Variants in GALNT13 observed in about 807,000 individuals in gnomAD.
GALNT13 encodes the protein polypeptide N-acetylgalactosaminyltransferase 13, also known as UDP-GalNAc:polypeptide N-acetylgalactosaminyltransferase 13.
GALNT13 carries 28 observed loss-of-function variants against 64.2 expected under a neutral mutation model. That is an observed-to-expected ratio of 0.44 (90% confidence interval 0.32 to 0.60). The LOEUF (loss-of-function observed/expected upper bound fraction) is 0.60, where lower values mean the gene tolerates loss of function less well. Ranked by LOEUF, GALNT13 falls within the 20% of genes least tolerant of loss-of-function variation. The pLI is 0.05. For missense variants in GALNT13, 577 were observed against 669.8 expected (o/e 0.86, Z 1.53); for synonymous variants, 214 against 224.6 (o/e 0.95, Z 0.42).
At chr2:154,346,753 A>G (rs1374481619) in intron 9 of GALNT13, among the ~76,000 whole-genome samples, 4 of 152,140 alleles carry the variant, frequency 2.6e-5, no homozygotes, top group African/African-American at 4.8e-5. Flanking sequence ...AATATCCTAT[A>G]TTCACATAGA....
At chr2:153,950,909 C>T (rs906189910) in intron 3 of GALNT13, among the ~76,000 whole-genome samples, 1 of 151,630 alleles carries the variant, frequency 6.6e-6, no homozygotes, top group Admixed American at 6.6e-5. Context: ...ACATGTACCC[C>T]GAATCTAAAA....
chr2:153,368,532 A>G, the GALNT13 span, among the ~76,000 whole-genome samples: 1 of 152,178 alleles, frequency 6.6e-6, no homozygotes, highest in Admixed American at 6.6e-5. Context: ...GTATATTAAC[A>G]TTGGACAAAG....
At chr2:154,146,175 T>TAC (rs1290370046) in intron 4 of GALNT13, among the ~76,000 whole-genome samples, 1 of 151,298 alleles carries the variant, frequency 6.6e-6, no homozygotes, top group South Asian at 2.1e-4. Flanking sequence ...CGCATACACA[T>TAC]ACACACACAT....
At chr2:154,122,205 A>G (rs1384629280) in intron 3 of GALNT13, among the ~76,000 whole-genome samples, 1 of 151,940 alleles carries the variant, frequency 6.6e-6, no homozygotes, top group African/African-American at 2.4e-5. Context: ...CTACATGTTT[A>G]TTTATTATAT....
intron 4 of GALNT13, among the ~76,000 whole-genome samples, chr2:154,179,666 C>A (rs189023562): frequency 9.0e-4 from 137 of 151,882 alleles, no homozygotes; most frequent in African/African-American, 3.2e-3. Context: ...TGAAACAGGC[C>A]ACAAAGACGT....
the GALNT13 span, among the ~76,000 whole-genome samples, chr2:153,172,565 G>A: frequency 2.0e-5 from 3 of 152,218 alleles, no homozygotes; most frequent in African/African-American, 7.2e-5. Flanking sequence ...AGGAGAACAG[G>A]TCATGAGCTA....
the GALNT13 span, among the ~76,000 whole-genome samples, chr2:153,548,086 G>T: frequency 2.6e-5 from 4 of 152,166 alleles, no homozygotes; most frequent in African/African-American, 7.2e-5. Context: ...TGAGCCTCCA[G>T]CTTTAAATTC....
upstream of GALNT13, chr2:153,871,900 G>A (rs1271859224): frequency 4.1e-5 from 6 of 144,802 alleles, no homozygotes; most frequent in African/African-American, 1.5e-4. Flanking sequence ...GGGTGGGAGG[G>A]GGGCGGGGGC....
chr2:154,218,703 T>C (rs1688173251), intron 4 of GALNT13, among the ~76,000 whole-genome samples: 1 of 152,114 alleles, frequency 6.6e-6, no homozygotes, highest in African/African-American at 2.4e-5. Context: ...CTTAGCCATA[T>C]TTTCTCAGCA....
intron 4 of GALNT13, among the ~76,000 whole-genome samples, chr2:154,225,141 TAGATGAC>T (rs779914369): frequency 9.3e-5 from 12 of 128,610 alleles, no homozygotes; most frequent in Non-Finnish European, 1.9e-4. Context: ...GATAGATAGA[TAGATGAC>T]AGATAGATAG....
intron 1 of GALNT13, among the ~76,000 whole-genome samples, chr2:153,877,447 G>T (rs757021974): frequency 6.6e-6 from 1 of 152,088 alleles, no homozygotes; most frequent in African/African-American, 2.4e-5. Flanking sequence ...GAATTTAAAA[G>T]CATAGCACAA....
intron 3 of GALNT13, among the ~76,000 whole-genome samples, chr2:153,972,276 C>T (rs1693791505): frequency 6.6e-6 from 1 of 151,960 alleles, no homozygotes; most frequent in Non-Finnish European, 1.5e-5. Context: ...TTCAAATGTT[C>T]CACAGTCATA....
the GALNT13 span, among the ~76,000 whole-genome samples, chr2:153,683,967 C>T: frequency 6.6e-6 from 1 of 151,510 alleles, no homozygotes; most frequent in Non-Finnish European, 1.5e-5. Context: ...TATCACTGTC[C>T]TTCAGCAACT....
intron 2 of GALNT13, among the ~76,000 whole-genome samples, chr2:153,930,874 T>A (rs1690465787): frequency 6.6e-6 from 1 of 152,134 alleles, no homozygotes; most frequent in South Asian, 2.1e-4. Context: ...TCCTTGGTAG[T>A]TTGATAGGAA....
chr2:153,938,822 A>G (rs1165090012), intron 2 of GALNT13, among the ~76,000 whole-genome samples: 1 of 152,084 alleles, frequency 6.6e-6, no homozygotes, highest in Non-Finnish European at 1.5e-5. Context: ...CATTTTGTCT[A>G]ATTACCTTTT....
the GALNT13 span, among the ~76,000 whole-genome samples, chr2:153,550,140 T>C: frequency 6.6e-6 from 1 of 152,234 alleles, no homozygotes; most frequent in South Asian, 2.1e-4. Context: ...AGATGGCAGC[T>C]ATCTAGCAGC....
chr2:154,436,340 A>G (rs1294075995), intron 11 of GALNT13: 1 of 152,238 alleles, frequency 6.6e-6, no homozygotes, highest in Non-Finnish European at 1.5e-5. Context: ...ATCAAGGGAT[A>G]TATGGTAGAC....
At chr2:153,855,012 C>A in the GALNT13 span, among the ~76,000 whole-genome samples, 1 of 151,954 alleles carries the variant, frequency 6.6e-6, no homozygotes, top group Non-Finnish European at 1.5e-5. Context: ...TATAAACAAG[C>A]CTACATGTAT....
the GALNT13 span, among the ~76,000 whole-genome samples, chr2:153,183,944 A>C: frequency 6.6e-6 from 1 of 152,002 alleles, no homozygotes; most frequent in Non-Finnish European, 1.5e-5. Context: ...GGATTATCTC[A>C]GCTATGCGGG....
Sources: allele counts gnomAD v4.1 joint callset (sites outside exome capture counted in the v4.1 genomes callset), GRCh38; gene constraint gnomAD v4.1.1; transcripts MANE v1.5; gene names NCBI Gene and HGNC (gene_info 2026-07-23, HGNC 2026-07-21).